ADAMTS17: variants seen among roughly 807,000 people sequenced by gnomAD.
The protein encoded by ADAMTS17 is A disintegrin and metalloproteinase with thrombospondin motifs 17.
ADAMTS17 carries 113 observed loss-of-function variants against 141.5 expected under a neutral mutation model. The observed-to-expected ratio is 0.80, with a 90% CI of 0.69 to 0.93. The LOEUF (loss-of-function observed/expected upper bound fraction) is 0.93. ADAMTS17 is among the 40% of genes least tolerant of loss of function. The pLI, the probability that ADAMTS17 is intolerant of heterozygous loss-of-function variation, is 0.00. For synonymous variants in ADAMTS17, 768 were observed against 630.6 expected (o/e 1.22, Z -3.27); for missense variants, 1,659 against 1,517.9 (o/e 1.09, Z -1.54).
rs369397778 is a variant in ADAMTS17, at chr15:100,142,707, T to C, written c.1474-9392A>G. 2.4e-4 allele frequency among the ~76,000 whole-genome samples: 36 copies of C among 152,254 alleles called. 1 individual carries two copies. The highest frequency in any genetic ancestry group is 8.2e-4 in the African/African-American group (34 of 41,538). ...CTGGGCAGCCTGACTAGAGAGTCCT[T>C]CTCAGGCACTGTGTGATCTAGAAAG... is the stretch of plus-strand genomic sequence containing the variant. On this transcript the variant is annotated intron_variant, in intron 10 of 21. Transcript: ENST00000268070.
chr15:100,232,920 T>C (rs1313105386), intron 7 of ADAMTS17, among the ~76,000 whole-genome samples: 1 of 152,188 alleles, frequency 6.6e-6, no homozygotes, highest in African/African-American at 2.4e-5. Context: ...GCCGTGAATC[T>C]CCAAGGTCCA....
intron 8 of ADAMTS17, among the ~76,000 whole-genome samples, chr15:100,159,835 C>A (rs542309047): frequency 5.1e-4 from 78 of 152,308 alleles, no homozygotes; most frequent in African/African-American, 1.8e-3. Context: ...AAATGCAAGG[C>A]CTTCATTGTA....
In ADAMTS17 at chr15:100,167,930, C is replaced by A. The variant is rs532271641; in HGVS notation, c.1182-12610G>T. Among the ~76,000 whole-genome samples, 384 of 152,348 alleles carry A rather than the reference C, an allele frequency of 2.5e-3. 4 individuals are homozygous for A. The highest frequency in any genetic ancestry group is 9.1e-3 in the African/African-American group (377 of 41,574). ...CACAGGGCCCGAGCTGCTCTCCCTT[C>A]TGGGGCCTGCTCTGGCCCAGGACAC... On this transcript the variant is annotated intron_variant, in intron 8 of 21. Coordinates refer to ENST00000268070, the MANE Select transcript of ADAMTS17 (RefSeq NM_139057.4).
intron 3 of ADAMTS17, among the ~76,000 whole-genome samples, chr15:100,283,601 C>T (rs535128936): frequency 6.6e-6 from 1 of 152,334 alleles, no homozygotes; most frequent in African/African-American, 2.4e-5. Flanking sequence ...TCTGCAGATG[C>T]TCCCCACGTT....
intron 3 of ADAMTS17, among the ~76,000 whole-genome samples, chr15:100,315,185 C>T (rs576128593): frequency 3.3e-5 from 5 of 152,218 alleles, no homozygotes; most frequent in Admixed American, 6.5e-5. Context: ...GGCAGGTGGG[C>T]GGGACCTTCG....
At chr15:100,072,002 A>C (rs904923015) in intron 15 of ADAMTS17, among the ~76,000 whole-genome samples, 2 of 150,186 alleles carry the variant, frequency 1.3e-5, no homozygotes, top group Non-Finnish European at 3.0e-5. Flanking sequence ...TATATCTAGA[A>C]AACCCCACCA....
chr15:100,252,503 C>T (rs568526156), intron 7 of ADAMTS17, among the ~76,000 whole-genome samples: 18 of 152,270 alleles, frequency 1.2e-4, no homozygotes, highest in East Asian at 1.9e-4. Flanking sequence ...AGGAGGAGCA[C>T]GGAGCAGAGG....
intron 13 of ADAMTS17, 24 bp from the exon 14 acceptor site, chr15:100,109,140 C>G: frequency 6.3e-7 from 1 of 1,594,194 alleles, no homozygotes; most frequent in African/African-American, 1.3e-5. Context: ...GGTTGGAGGA[C>G]GTTGACACGG....
intron 7 of ADAMTS17, among the ~76,000 whole-genome samples, chr15:100,215,071 C>G (rs1202034919): frequency 6.6e-6 from 1 of 152,202 alleles, no homozygotes; most frequent in South Asian, 2.1e-4. Context: ...ACATAACAAC[C>G]CAAGAATGTG....
chr15:100,299,743 C>T (rs2044962285), intron 3 of ADAMTS17, among the ~76,000 whole-genome samples: 1 of 152,132 alleles, frequency 6.6e-6, no homozygotes, highest in Non-Finnish European at 1.5e-5. Context: ...CTCAGAAATT[C>T]CTCCACCTAT....
chr15:100,238,618 C>T (rs1168637945), intron 7 of ADAMTS17, among the ~76,000 whole-genome samples: 1 of 152,194 alleles, frequency 6.6e-6, no homozygotes, highest in Admixed American at 6.5e-5. Flanking sequence ...TGAATGGGCA[C>T]AGGTCTGGCA....
chr15:99,976,476 C>T (rs1024394067), intron 20 of ADAMTS17: 3 of 599,848 alleles, frequency 5.0e-6, no homozygotes, highest in Non-Finnish European at 8.9e-6. Context: ...GTGTCATGCC[C>T]AGGCACTTGC....
intron 12 of ADAMTS17, among the ~76,000 whole-genome samples, chr15:100,117,902 C>T (rs971610747): frequency 1.3e-5 from 2 of 152,248 alleles, no homozygotes; most frequent in African/African-American, 4.8e-5. Flanking sequence ...CAGTTCTGCT[C>T]AATGAATTTC....
At chr15:100,025,439 T>C (rs2061492828) in intron 18 of ADAMTS17, among the ~76,000 whole-genome samples, 1 of 148,624 alleles carries the variant, frequency 6.7e-6, no homozygotes, top group Admixed American at 6.7e-5. Flanking sequence ...TGAGACAGAC[T>C]TTCACTCTTT....
chr15:100,118,258 A>G (rs2037264773), intron 12 of ADAMTS17, among the ~76,000 whole-genome samples: 1 of 152,246 alleles, frequency 6.6e-6, no homozygotes, highest in Non-Finnish European at 1.5e-5. Context: ...TGTCCCAATA[A>G]AACTTTATAA....
chr15:100,221,411 A>C (rs1476346957), intron 7 of ADAMTS17, among the ~76,000 whole-genome samples: 2 of 152,178 alleles, frequency 1.3e-5, no homozygotes, highest in African/African-American at 4.8e-5. Context: ...ACACTCATAT[A>C]AGGTGGTAAT....
At chr15:100,286,793 A>G (rs1252265466) in intron 3 of ADAMTS17, among the ~76,000 whole-genome samples, 1 of 152,210 alleles carries the variant, frequency 6.6e-6, no homozygotes, top group Non-Finnish European at 1.5e-5. Flanking sequence ...GATGGTTCTT[A>G]ACCAGGCTGA....
intron 4 of ADAMTS17, 145 bp from the exon 5 acceptor site, chr15:100,262,580 C>T (rs917029275): frequency 3.3e-6 from 2 of 604,084 alleles, no homozygotes; most frequent in African/African-American, 1.9e-5. Flanking sequence ...TAGTTTATAA[C>T]ACTGTATCAG....
At chr15:99,991,535 G>A (rs1234216518) in intron 20 of ADAMTS17, among the ~76,000 whole-genome samples, 2 of 152,206 alleles carry the variant, frequency 1.3e-5, no homozygotes, top group Non-Finnish European at 1.5e-5. Flanking sequence ...ATGCTGGAGA[G>A]GATGTGGAAA....
Sources: gnomAD v4.1 joint callset for allele counts (sites outside exome capture counted in the v4.1 genomes callset) on GRCh38, gnomAD v4.1.1 for gene constraint, MANE v1.5 for transcripts, NCBI Gene and HGNC (gene_info 2026-07-23, HGNC 2026-07-21) for gene names.